The following MAP4K4 variants were observed in gnomAD, a reference collection of about 807,000 sequenced individuals.
MAP4K4 encodes mitogen-activated protein kinase kinase kinase kinase 4, also known as HPK/GCK-like kinase HGK.
In MAP4K4, 38 loss-of-function variants were observed where a neutral mutation model predicts 189.6. That is an observed-to-expected ratio of 0.20 (90% confidence interval 0.15 to 0.26). The LOEUF is 0.26. MAP4K4 is among the 10% of genes least tolerant of loss of function. MAP4K4 has a pLI of 1.00. For missense variants in MAP4K4, 1,054 were observed against 1,726.9 expected (o/e 0.61, Z 6.91); for synonymous variants, 610 against 624.3 (o/e 0.98, Z 0.34).
chr2:101,712,298 G>C (rs2046046158), intron 2 of MAP4K4, among the ~76,000 whole-genome samples: 2 of 151,960 alleles, frequency 1.3e-5, no homozygotes, highest in Non-Finnish European at 2.9e-5. Context: ...GGGTTCAAGT[G>C]ATTCTCCTGC....
chr2:101,830,324 G>T (rs909746028), intron 6 of MAP4K4, among the ~76,000 whole-genome samples: 3 of 152,040 alleles, frequency 2.0e-5, no homozygotes, highest in Non-Finnish European at 4.4e-5. Flanking sequence ...ATTTCTGCGT[G>T]GTTAGATAAT....
chr2:101,740,170 TTG>T (rs2062037152), intron 2 of MAP4K4, among the ~76,000 whole-genome samples: 9 of 120,930 alleles, frequency 7.4e-5, no homozygotes, highest in African/African-American at 2.8e-4. Flanking sequence ...TTTTTTTTTT[TTG>T]AGACGGAGTC....
intron 12 of MAP4K4, among the ~76,000 whole-genome samples, chr2:101,852,090 G>T (rs1012161926): frequency 2.0e-5 from 3 of 151,596 alleles, no homozygotes; most frequent in Non-Finnish European, 2.9e-5. Context: ...ACCTTAGAGT[G>T]AGTACTTTAG....
intron 4 of MAP4K4, among the ~76,000 whole-genome samples, chr2:101,824,338 T>C (rs773040379): frequency 6.6e-6 from 1 of 152,134 alleles, no homozygotes; most frequent in Non-Finnish European, 1.5e-5. Context: ...GCAAGGAAAT[T>C]AGGAGCTTGA....
chr2:101,875,908 C>T lies in MAP4K4; in HGVS notation c.3242-1095C>T, dbSNP rs922048649. ...GTGTAGTTTTTGAAGATAGTCATGA[C>T]GTGAGTATTTTAGCAAGATTAGGAT... On this transcript the variant is annotated intron_variant, in intron 26 of 32. Transcript: ENST00000324219. Among the ~76,000 whole-genome samples the T allele has an allele frequency of 5.3e-5, 8 of 152,150 alleles. No homozygotes were observed. In the East Asian group the frequency reaches 7.7e-4, roughly 15 times the overall value.
intron 12 of MAP4K4, among the ~76,000 whole-genome samples, chr2:101,848,749 C>G (rs2097188133): frequency 6.6e-6 from 1 of 152,194 alleles, no homozygotes; most frequent in African/African-American, 2.4e-5. Context: ...TTGGTGCTCT[C>G]TGATAACTGC....
rs146501180 is a variant in MAP4K4 at position 101,735,615 on chromosome 2, A to G, written c.123+37077A>G. Among the ~76,000 whole-genome samples, 252 of 152,258 alleles carry G rather than the reference A, an allele frequency of 1.7e-3. 1 individual carries two copies. Among genetic ancestry groups the G allele is most frequent in the East Asian group, 0.016 (85 of 5,162 alleles). On this transcript the variant is annotated intron_variant, in intron 2 of 32. Transcript: ENST00000324219. ...CAAAAAGGTGGGCTGGGGCCTGCCC[A>G]TGGGAGGCCGTCTTTGTCAAACCAA...
At chr2:101,824,286 C>T (rs146526295) in intron 4 of MAP4K4, among the ~76,000 whole-genome samples, 39 of 152,088 alleles carry the variant, frequency 2.6e-4, no homozygotes, top group Admixed American at 1.3e-3. Flanking sequence ...CTTTGTGTTT[C>T]GGGAATAAAA....
rs796576582 is a variant in MAP4K4, at chr2:101,817,743, A to T, written c.181-6185A>T. 5.3e-5 allele frequency among the ~76,000 whole-genome samples: 8 copies of T among 152,356 alleles called. No homozygotes were observed. In the South Asian group the frequency reaches 1.7e-3, roughly 32 times the overall value. ...TGCATGCTGGGTTTGGAATCCCAGA[A>T]CTAGCTCATTGGTTCAGTAGCAGAA... is the stretch of plus-strand genomic sequence containing the variant. On this transcript the variant is annotated intron_variant, in intron 3 of 32. Coordinates refer to ENST00000324219, the Ensembl canonical transcript of MAP4K4.
At chr2:101,771,447 T>C (rs1464899123) in intron 2 of MAP4K4, among the ~76,000 whole-genome samples, 2 of 152,190 alleles carry the variant, frequency 1.3e-5, no homozygotes, top group African/African-American at 4.8e-5. Flanking sequence ...TCTTTAAGCA[T>C]ACCAGCACCT....
chr2:101,824,385 AT>A (rs1247326353), intron 4 of MAP4K4, among the ~76,000 whole-genome samples: 16 of 152,334 alleles, frequency 1.1e-4, no homozygotes, highest in African/African-American at 2.9e-4. Flanking sequence ...TGGGAACAAA[AT>A]TAATTTGAAA....
At chr2:101,786,530 T>C (rs1388551702) in intron 2 of MAP4K4, among the ~76,000 whole-genome samples, 1 of 152,222 alleles carries the variant, frequency 6.6e-6, no homozygotes, top group Non-Finnish European at 1.5e-5. Context: ...TGAAATGATG[T>C]TGATTGGAAG....
rs370526488 is a variant in MAP4K4, at chr2:101,742,976, A to G, written c.123+44438A>G. Among the ~76,000 whole-genome samples the G allele has an allele frequency of 7.2e-5, 11 of 152,304 alleles. No individual in the cohort carries two copies. In the East Asian group the frequency reaches 1.5e-3, roughly 21 times the overall value. The stretch of plus-strand genomic sequence containing the variant: ...CAGGCCCACGTCCTGCTCTTTTTGA[A>G]AGAGGTTTTATTTACTTTAAATAAA... On this transcript the variant is annotated intron_variant, in intron 2 of 32. Transcript: ENST00000324219.
At chr2:101,809,453 C>G (rs2095272166) in intron 3 of MAP4K4, among the ~76,000 whole-genome samples, 1 of 151,928 alleles carries the variant, frequency 6.6e-6, no homozygotes, top group South Asian at 2.1e-4. Context: ...CTGATAGATG[C>G]TTCTTAACTG....
In MAP4K4 at chr2:101,718,929, C is replaced by T. The variant is rs377574140; in HGVS notation, c.123+20391C>T. 1.3e-3 allele frequency among the ~76,000 whole-genome samples: 199 copies of T among 152,308 alleles called. 1 individual carries two copies. The highest frequency in any genetic ancestry group is 4.5e-3 in the African/African-American group (185 of 41,564). On this transcript the variant is annotated intron_variant, in intron 2 of 32. Transcript: ENST00000324219. ...ATGTTGGTAGTTCACTGGAACACAG[C>T]TGCTAGGGTGGGTTCTTTGGACTAG...
intron 12 of MAP4K4, among the ~76,000 whole-genome samples, chr2:101,847,931 T>C (rs2097160157): frequency 6.6e-6 from 1 of 152,212 alleles, no homozygotes; most frequent in South Asian, 2.1e-4. Flanking sequence ...AGCATGTTTT[T>C]ACTGTACTTT....
chr2:101,869,565 C>A, intron 21 of MAP4K4, 57 bp from the exon 22 acceptor site: 2 of 1,384,314 alleles, frequency 1.4e-6, no homozygotes, highest in Non-Finnish European at 2.0e-6. Flanking sequence ...AACTTCTCAT[C>A]TTCTCCTGTC....
At chr2:101,894,364 AC>A (rs2150385237) in exon 33 of MAP4K4, 1 of 152,812 alleles carries the variant, frequency 6.5e-6, no homozygotes, top group Non-Finnish European at 1.5e-5. Flanking sequence ...TGCACATGTT[AC>A]GTTGGAGAAA....
chr2:101,720,478 A>G (rs1254103678), intron 2 of MAP4K4, among the ~76,000 whole-genome samples: 2 of 152,124 alleles, frequency 1.3e-5, no homozygotes, highest in Admixed American at 6.5e-5. Flanking sequence ...GAGAGCCTCT[A>G]TGCATCTCCC....
Sources: gnomAD v4.1 joint callset for allele counts (sites outside exome capture counted in the v4.1 genomes callset) on GRCh38, gnomAD v4.1.1 for gene constraint, MANE v1.5 for transcripts, NCBI Gene and HGNC (gene_info 2026-07-23, HGNC 2026-07-21) for gene names.